Variants in KDM4B observed in about 807,000 individuals in gnomAD.
KDM4B encodes lysine demethylase 4B.
In KDM4B, 32 loss-of-function variants were observed where a neutral mutation model predicts 125.2. The observed-to-expected ratio is 0.26, with a 90% CI of 0.19 to 0.34. The LOEUF (loss-of-function observed/expected upper bound fraction) is 0.34. KDM4B is among the 10% of genes least tolerant of loss of function. The pLI is 1.00. For synonymous variants in KDM4B, 721 were observed against 677.9 expected (o/e 1.06, Z -0.99); for missense variants, 1,190 against 1,577.7 (o/e 0.75, Z 4.16).
chr19:5,118,805 G>A (rs1021214704), intron 10 of KDM4B, among the ~76,000 whole-genome samples: 3 of 152,350 alleles, frequency 2.0e-5, no homozygotes, highest in Non-Finnish European at 4.4e-5. Flanking sequence ...GGGCTGGTGT[G>A]CAGGGACCGG....
chr19:5,091,836 T>C (rs999561), intron 9 of KDM4B, among the ~76,000 whole-genome samples: 72,203 of 151,776 alleles, frequency 0.48, 18,809 homozygotes, highest in East Asian at 0.91. Context: ...ACGGCTGGCC[T>C]GTGCCCTGCC....
Position 5,082,359 on chromosome 19 carries a change from C to G in KDM4B, c.781-8C>G, listed in dbSNP as rs777737011. ...CCCTGCCCTCACCTGTCTCCTTTCC[C>G]TCTGCAGATCACGCAGGAGGCCGGG... On this transcript the variant is annotated splice_region_variant and splice_polypyrimidine_tract_variant and intron_variant, in intron 8 of 22. Coordinates refer to ENST00000159111, the MANE Select transcript of KDM4B (RefSeq NM_015015.3). The surrounding 1 kb of genome is among the most constrained non-coding windows in gnomAD (Gnocchi z 5.4). The G allele has an allele frequency of 2.5e-6, 4 of 1,613,480 alleles. No homozygotes were observed. The East Asian group carries it at 6.7e-5, about 27-fold the overall frequency.
chr19:5,117,180 A>G (rs1282527963), intron 10 of KDM4B, among the ~76,000 whole-genome samples: 1 of 152,190 alleles, frequency 6.6e-6, no homozygotes, highest in African/African-American at 2.4e-5. Flanking sequence ...ATGAGGCCCC[A>G]GAGCTCTGGT....
Position 5,149,890 on chromosome 19 carries a change from C to T in KDM4B, c.3022-468C>T, listed in dbSNP as rs532349371. On this transcript the variant is annotated intron_variant, in intron 21 of 22. Transcript: ENST00000159111. ...CATAAGCCAGGGACCCTGTCCTTCA[C>T]CTTCTGGTTGGGGGCTCCTGAGCTC... Among the ~76,000 whole-genome samples, 9 of 152,360 alleles carry T rather than the reference C, an allele frequency of 5.9e-5. No homozygotes were observed. In the East Asian group the frequency reaches 1.7e-3, roughly 29 times the overall value.
At chr19:5,019,387 T>C (rs1254685057) in intron 2 of KDM4B, among the ~76,000 whole-genome samples, 1 of 144,538 alleles carries the variant, frequency 6.9e-6, no homozygotes, top group Non-Finnish European at 1.5e-5. Flanking sequence ...GGTGTGCAGG[T>C]GCTGGTGTGG....
chr19:5,132,859 C>T (rs1179920825), intron 13 of KDM4B, among the ~76,000 whole-genome samples: 1 of 152,318 alleles, frequency 6.6e-6, no homozygotes, highest in Non-Finnish European at 1.5e-5. Context: ...TCCCCAGGGC[C>T]TCGGGGCCGC....
chr19:5,017,916 A>G (rs918430570), intron 2 of KDM4B, among the ~76,000 whole-genome samples: 1 of 150,050 alleles, frequency 6.7e-6, no homozygotes, highest in African/African-American at 2.5e-5. Context: ...AATTTTTTGT[A>G]TTTTCAGTAG....
chr19:5,056,632 C>T (rs1407693770), intron 6 of KDM4B, among the ~76,000 whole-genome samples: 2 of 152,200 alleles, frequency 1.3e-5, no homozygotes, highest in East Asian at 1.9e-4. Context: ...TCTCGAATTC[C>T]TGACCTCAGG....
intron 11 of KDM4B, among the ~76,000 whole-genome samples, chr19:5,124,628 G>T (rs543006262): frequency 6.6e-6 from 1 of 152,126 alleles, no homozygotes; most frequent in African/African-American, 2.4e-5. Flanking sequence ...ATGGAGTTCC[G>T]CTCTGTCACC....
In KDM4B at chr19:5,106,232, G is replaced by A. The variant is rs150412588; in HGVS notation, c.919-4390G>A. On this transcript the variant is annotated intron_variant, in intron 9 of 22. Coordinates refer to ENST00000159111, the MANE Select transcript of KDM4B (RefSeq NM_015015.3). The stretch of plus-strand genomic sequence containing the variant: ...TTTAGTCTGTCCACGATGGTTGAAC[G>A]GTTTGGTTAGAGTCATTGTGTGTGT... Among the ~76,000 whole-genome samples, 186 of 152,324 alleles carry A rather than the reference G, an allele frequency of 1.2e-3. 2 individuals carry two copies. The highest frequency in any genetic ancestry group is 4.3e-3 in the African/African-American group (178 of 41,574).
In KDM4B at chr19:5,035,013, C is replaced by T. The variant is rs991029835; in HGVS notation, c.141+1982C>T. 1.3e-5 allele frequency among the ~76,000 whole-genome samples: 2 copies of T among 152,158 alleles called. No individual in the cohort carries two copies. The highest frequency in any genetic ancestry group is 2.4e-5 in the African/African-American group (1 of 41,440). On this transcript the variant is annotated intron_variant, in intron 3 of 22. Transcript: ENST00000159111. The surrounding 1 kb of genome is among the most constrained non-coding windows in gnomAD (Gnocchi z 5.3). ...GATTTTTGATTGTAACACACCATGACGATGTGGGAATGATGGCACATCTGT... is the reference window on the plus strand; with the variant it reads ...GATTTTTGATTGTAACACACCATGATGATGTGGGAATGATGGCACATCTGT...
chr19:5,026,877 G>A (rs531994788), intron 2 of KDM4B, among the ~76,000 whole-genome samples: 41 of 152,200 alleles, frequency 2.7e-4, no homozygotes, highest in African/African-American at 5.8e-4. Context: ...GCTGACTGCC[G>A]CCCCCTTTCT....
intron 10 of KDM4B, 130 bp from the exon 11 acceptor site, chr19:5,119,523 A>G (rs1057247085): frequency 1.6e-5 from 15 of 909,324 alleles, no homozygotes; most frequent in African/African-American, 3.3e-5. Flanking sequence ...GCCTCCAGCC[A>G]GGAGGCCCCC....
rs541093376 is a variant in KDM4B, at chr19:4,980,584, C to T, written c.-109+11354C>T. On this transcript the variant is annotated intron_variant, in intron 1 of 22. Transcript: ENST00000159111. ...GATTACAGGCACCTGCCACCACACC[C>T]GGCTAATTTTTGTATTTTTAGTAGA... is the stretch of plus-strand genomic sequence containing the variant. 5.3e-5 allele frequency among the ~76,000 whole-genome samples: 8 copies of T among 151,942 alleles called. No individual in the cohort carries two copies. The South Asian group carries it at 1.7e-3, about 32-fold the overall frequency.
At chr19:5,042,671 G>A (rs2036858197) in intron 5 of KDM4B, among the ~76,000 whole-genome samples, 1 of 151,598 alleles carries the variant, frequency 6.6e-6, no homozygotes, top group South Asian at 2.1e-4. Flanking sequence ...TTACACAGCA[G>A]GAGAGAGTGA....
At chr19:5,022,353 AG>A (rs2036149842) in intron 2 of KDM4B, among the ~76,000 whole-genome samples, 1 of 152,166 alleles carries the variant, frequency 6.6e-6, no homozygotes, top group South Asian at 2.1e-4. Context: ...CGTAGGGCAC[AG>A]GGCACAGGAC....
chr19:5,114,316 C>T lies in KDM4B; in HGVS notation c.1115+3498C>T, dbSNP rs1208821112. The T allele has an allele frequency of 4.8e-6, 5 of 1,033,002 alleles. No homozygotes were observed. The highest frequency in any genetic ancestry group is 2.3e-5 in the Admixed American group (1 of 43,246). 64.0% of individuals were successfully genotyped at this position (1,033,002 alleles called of 1,614,324 possible). On this transcript the variant is annotated intron_variant, in intron 10 of 22. Transcript: ENST00000159111. The surrounding 1 kb of genome is among the most constrained non-coding windows in gnomAD (Gnocchi z 5.8). ...GAGCCCGGCTGGGCCCAGGCCTCGTCTCCCCTACCCCTCCGAGCTCGGTGC... is the reference window on the plus strand; with the variant it reads ...GAGCCCGGCTGGGCCCAGGCCTCGTTTCCCCTACCCCTCCGAGCTCGGTGC...
At chr19:5,076,884 T>C (rs12462424) in intron 7 of KDM4B, 16,093 of 172,806 alleles carry the variant, frequency 0.093, 999 homozygotes, top group Admixed American at 0.14. Flanking sequence ...TGCTCTCTCA[T>C]TGACCGAGCG....
rs751379008 is a variant in KDM4B, at chr19:5,101,222, C to CAAA, written c.919-9383_919-9381dup. On this transcript the variant is annotated intron_variant, in intron 9 of 22. Coordinates refer to ENST00000159111, the MANE Select transcript of KDM4B (RefSeq NM_015015.3). ...GGGCAACAAGAGCAAGACTCCGTCT[C>CAAA]AAAAAAAAAAAAAAAAAAATCTTCT... Among the ~76,000 whole-genome samples, 402 of 85,602 alleles carry CAAA rather than the reference C, an allele frequency of 4.7e-3. 4 individuals carry two copies. Among genetic ancestry groups the CAAA allele is most frequent in the African/African-American group, 0.017 (356 of 21,530 alleles). 56.2% of individuals were successfully genotyped at this position (85,602 alleles called of 152,430 possible). A position where few individuals can be genotyped will look rare whatever the true frequency, so the allele number is the denominator to read the frequency against.
Sources: allele counts gnomAD v4.1 joint callset (sites outside exome capture counted in the v4.1 genomes callset), GRCh38; gene constraint gnomAD v4.1.1; non-coding constraint Gnocchi (gnomAD v3.1); transcripts MANE v1.5; gene names NCBI Gene and HGNC (gene_info 2026-07-23, HGNC 2026-07-21).